GRIA4: variants seen among roughly 807,000 people sequenced by gnomAD.
The protein encoded by GRIA4 is glutamate receptor 4.
Under a neutral mutation model 104.0 loss-of-function variants are expected in GRIA4, and 34 were observed. The observed-to-expected ratio is 0.33, with a 90% CI of 0.25 to 0.44. GRIA4 has a LOEUF of 0.44. GRIA4 is among the 20% of genes least tolerant of loss of function. The probability of loss-of-function intolerance (pLI) is 1.00; values close to 1 mark genes in which losing one functional copy is unlikely to be tolerated. For missense variants in GRIA4, 750 were observed against 1,096.5 expected, an observed-to-expected ratio of 0.68 and a Z score of 4.46; for synonymous variants, 386 against 381.9, an observed-to-expected ratio of 1.01 and a Z score of -0.13.
chr11:105,714,708 GACA>G (rs1450543411), intron 3 of GRIA4, among the ~76,000 whole-genome samples: 3 of 152,144 alleles, frequency 2.0e-5, no homozygotes, highest in African/African-American at 7.2e-5. Flanking sequence ...AAATTATGAT[GACA>G]ACATCTGTTT....
chr11:105,750,460 A>G (rs1424235718), intron 3 of GRIA4, among the ~76,000 whole-genome samples: 1 of 152,120 alleles, frequency 6.6e-6, no homozygotes, highest in Admixed American at 6.6e-5. Context: ...CAAAGTAAGT[A>G]TATATGAATA....
chr11:105,902,545 G>A (rs1225303700), intron 7 of GRIA4, among the ~76,000 whole-genome samples: 1 of 151,954 alleles, frequency 6.6e-6, no homozygotes, highest in Non-Finnish European at 1.5e-5. Flanking sequence ...ATGTTGCCCA[G>A]GCTGCTCTTG....
intron 3 of GRIA4, among the ~76,000 whole-genome samples, chr11:105,717,035 A>G (rs1954115891): frequency 6.6e-6 from 1 of 152,088 alleles, no homozygotes; most frequent in Non-Finnish European, 1.5e-5. Flanking sequence ...TTATCTTAGC[A>G]AAGTCCTCCG....
At chr11:105,721,771 T>C (rs1035882896) in intron 3 of GRIA4, among the ~76,000 whole-genome samples, 8 of 152,110 alleles carry the variant, frequency 5.3e-5, no homozygotes, top group Admixed American at 5.2e-4. Flanking sequence ...GCAGGGTAAA[T>C]CTCATCCTCC....
chr11:105,921,941 T>C (rs1438572016), intron 11 of GRIA4, among the ~76,000 whole-genome samples: 1 of 152,094 alleles, frequency 6.6e-6, no homozygotes, highest in South Asian at 2.1e-4. Context: ...TTCTAGAACA[T>C]GAAACCAAAG....
intron 14 of GRIA4, among the ~76,000 whole-genome samples, chr11:105,946,186 C>G (rs1275248406): frequency 6.6e-6 from 1 of 152,174 alleles, no homozygotes; most frequent in African/African-American, 2.4e-5. Context: ...TAACCTCTCA[C>G]TTTTTGTGTT....
intron 14 of GRIA4, among the ~76,000 whole-genome samples, chr11:105,961,209 A>C (rs1296244333): frequency 6.6e-6 from 1 of 152,236 alleles, no homozygotes. Context: ...GCATTGCTTT[A>C]ATGCACATTA....
At chr11:105,640,002 T>G (rs1456541962) in intron 3 of GRIA4, among the ~76,000 whole-genome samples, 1 of 151,988 alleles carries the variant, frequency 6.6e-6, no homozygotes, top group East Asian at 1.9e-4. Flanking sequence ...TTGTAATGAT[T>G]TTTTAAATCA....
chr11:105,947,006 T>C (rs1948331560), intron 14 of GRIA4, among the ~76,000 whole-genome samples: 1 of 152,238 alleles, frequency 6.6e-6, no homozygotes, highest in South Asian at 2.1e-4. Context: ...TTCCAAAGGA[T>C]ACATTTTTGT....
intron 10 of GRIA4, chr11:105,912,551 T>G: frequency 3.7e-6 from 1 of 271,242 alleles, no homozygotes; most frequent in Non-Finnish European, 5.5e-6. Context: ...TATATTTATA[T>G]ATATATATAA....
intron 9 of GRIA4, among the ~76,000 whole-genome samples, chr11:105,906,114 T>C (rs973331219): frequency 6.6e-6 from 1 of 152,226 alleles, no homozygotes; most frequent in Admixed American, 6.5e-5. Flanking sequence ...TATATTTTCA[T>C]GTTTTTATGT....
chr11:105,956,663 G>A (rs1948598785), intron 14 of GRIA4, among the ~76,000 whole-genome samples: 1 of 152,174 alleles, frequency 6.6e-6, no homozygotes, highest in African/African-American at 2.4e-5. Context: ...TCTAGCTCTA[G>A]ATCCTTGAGG....
At chr11:105,803,591 C>T (rs1467955931) in intron 4 of GRIA4, among the ~76,000 whole-genome samples, 1 of 151,738 alleles carries the variant, frequency 6.6e-6, no homozygotes, top group Non-Finnish European at 1.5e-5. Context: ...AATCAATAGG[C>T]TCTTCTGAGA....
intron 4 of GRIA4, among the ~76,000 whole-genome samples, chr11:105,855,267 A>G (rs755090750): frequency 8.5e-5 from 13 of 152,164 alleles, no homozygotes; most frequent in Non-Finnish European, 1.6e-4. Context: ...AAGGTATCGC[A>G]ATATTGAATA....
chr11:105,859,303 G>A (rs1049306784), intron 4 of GRIA4, among the ~76,000 whole-genome samples: 5 of 152,144 alleles, frequency 3.3e-5, no homozygotes, highest in African/African-American at 7.2e-5. Flanking sequence ...GCACTGCAAT[G>A]AAAGGATGCC....
At chr11:105,630,022 G>A (rs1017159680) in intron 3 of GRIA4, among the ~76,000 whole-genome samples, 1 of 152,186 alleles carries the variant, frequency 6.6e-6, no homozygotes, top group African/African-American at 2.4e-5. Flanking sequence ...ATAAAAGACA[G>A]TAGCTGCATG....
chr11:105,766,033 C>T (rs58339084), intron 4 of GRIA4, among the ~76,000 whole-genome samples: 28,518 of 151,950 alleles, frequency 0.19, 3,371 homozygotes, highest in African/African-American at 0.33. Flanking sequence ...TCAGGATTTA[C>T]ACAAGGGGGT....
At chr11:105,794,402 T>C (rs1942358203) in intron 4 of GRIA4, among the ~76,000 whole-genome samples, 1 of 144,808 alleles carries the variant, frequency 6.9e-6, no homozygotes, top group South Asian at 2.2e-4. Flanking sequence ...CTGGTGTATA[T>C]ACACACATAT....
At chr11:105,795,487 T>C (rs545335534) in intron 4 of GRIA4, among the ~76,000 whole-genome samples, 2 of 152,196 alleles carry the variant, frequency 1.3e-5, no homozygotes, top group South Asian at 2.1e-4. Context: ...AGAGTGTGAA[T>C]GTGTGATGTG....
Sources: gnomAD v4.1 joint callset for allele counts (sites outside exome capture counted in the v4.1 genomes callset) on GRCh38, gnomAD v4.1.1 for gene constraint, MANE v1.5 for transcripts, NCBI Gene and HGNC (gene_info 2026-07-23, HGNC 2026-07-21) for gene names.